RBFOX1: variants seen among roughly 807,000 people sequenced by gnomAD.
RBFOX1 encodes the protein RNA binding protein fox-1 homolog 1.
In RBFOX1, 8 loss-of-function variants were observed where a neutral mutation model predicts 57.7. That is an observed-to-expected ratio of 0.14 (90% confidence interval 0.08 to 0.25). The LOEUF (loss-of-function observed/expected upper bound fraction) is 0.25, where lower values mean the gene tolerates loss of function less well. Among genes scored for constraint, RBFOX1 ranks in the 10% least tolerant of loss-of-function variants. RBFOX1 has a pLI of 1.00. For synonymous variants in RBFOX1, 326 were observed against 222.4 expected (o/e 1.47, Z -4.15); for missense variants, 611 against 548.5 (o/e 1.11, Z -1.14).
rs1269767671 is a variant in RBFOX1 at position 6,527,856 on chromosome 16, C to T, written c.-63-126747C>T. On this transcript the variant is annotated intron_variant, in intron 2 of 15. Coordinates refer to ENST00000550418, the MANE Select transcript of RBFOX1 (RefSeq NM_018723.4). ...CAGAGGCTCTCATAAGGATAAAGGC[C>T]TCCTTATGCACAATTCAAAAGAGTG... 2.6e-5 allele frequency among the ~76,000 whole-genome samples: 4 copies of T among 152,236 alleles called. No individual in the cohort carries two copies. The East Asian group carries it at 5.8e-4, about 22-fold the overall frequency.
chr16:5,454,092 G>A (rs2068509065), intron 1 of RBFOX1, among the ~76,000 whole-genome samples: 1 of 152,252 alleles, frequency 6.6e-6, no homozygotes, highest in South Asian at 2.1e-4. Context: ...GTGCCAGCCT[G>A]TATGAGGAGT....
At chr16:6,573,085 T>C (rs1214266607) in intron 2 of RBFOX1, among the ~76,000 whole-genome samples, 1 of 152,172 alleles carries the variant, frequency 6.6e-6, no homozygotes, top group Non-Finnish European at 1.5e-5. Context: ...CTCGTTGATC[T>C]GCTCCCTCAG....
chr16:7,314,490 G>C (rs2096393245), intron 4 of RBFOX1, among the ~76,000 whole-genome samples: 1 of 152,192 alleles, frequency 6.6e-6, no homozygotes, highest in Non-Finnish European at 1.5e-5. Flanking sequence ...TGTTTAATCA[G>C]ATTCACTTAG....
chr16:6,911,788 G>C (rs779277637), intron 3 of RBFOX1, among the ~76,000 whole-genome samples: 2 of 152,072 alleles, frequency 1.3e-5, no homozygotes, highest in Admixed American at 6.6e-5. Flanking sequence ...ACTTATAGAA[G>C]AGATCTATTT....
chr16:7,070,055 C>T (rs947952038), intron 4 of RBFOX1, among the ~76,000 whole-genome samples: 1 of 152,208 alleles, frequency 6.6e-6, no homozygotes, highest in Non-Finnish European at 1.5e-5. Context: ...TCTTTTTCCT[C>T]TCTTGCACAG....
chr16:6,196,537 G>C (rs2097180998), intron 1 of RBFOX1, among the ~76,000 whole-genome samples: 1 of 152,072 alleles, frequency 6.6e-6, no homozygotes, highest in African/African-American at 2.4e-5. Flanking sequence ...ATGGATGCGT[G>C]GCTGCGACTT....
intron 1 of RBFOX1, among the ~76,000 whole-genome samples, chr16:5,339,651 G>T (rs2064991192): frequency 1.3e-5 from 2 of 151,522 alleles, no homozygotes; most frequent in Admixed American, 1.3e-4. Context: ...GCTGATTTTT[G>T]TATTTTTAGT....
chr16:7,693,073 A>G (rs1176538808), intron 14 of RBFOX1, among the ~76,000 whole-genome samples: 1 of 152,162 alleles, frequency 6.6e-6, no homozygotes, highest in African/African-American at 2.4e-5. Context: ...AACACATAGT[A>G]TTAATATTTG....
chr16:5,702,407 C>T (rs766531395), intron 3 of RBFOX1, among the ~76,000 whole-genome samples: 8 of 152,188 alleles, frequency 5.3e-5, no homozygotes, highest in African/African-American at 1.2e-4. Flanking sequence ...CACCTCCCAC[C>T]GTGTCCCTCC....
intron 4 of RBFOX1, among the ~76,000 whole-genome samples, chr16:7,471,381 C>G (rs1209916394): frequency 6.6e-6 from 1 of 152,036 alleles, no homozygotes; most frequent in Non-Finnish European, 1.5e-5. Flanking sequence ...TGTACATACA[C>G]TTATACATTT....
At chr16:5,657,661 T>C (rs1165388711) in intron 3 of RBFOX1, among the ~76,000 whole-genome samples, 4 of 70,412 alleles carry the variant, frequency 5.7e-5, no homozygotes, top group African/African-American at 9.9e-5. Flanking sequence ...TCTTTTCTTT[T>C]CTTTCTTTCT....
intron 12 of RBFOX1, among the ~76,000 whole-genome samples, chr16:7,656,963 C>G (rs924107122): frequency 1.3e-5 from 2 of 152,180 alleles, no homozygotes; most frequent in African/African-American, 4.8e-5. Context: ...CCTCCACCCA[C>G]ACCCCCAGCA....
chr16:5,822,416 C>G (rs557788083), intron 3 of RBFOX1, among the ~76,000 whole-genome samples: 6 of 151,920 alleles, frequency 3.9e-5, no homozygotes, highest in African/African-American at 1.4e-4. Flanking sequence ...CACCTGTACC[C>G]CAATAGCTTA....
downstream of RBFOX1, among the ~76,000 whole-genome samples, chr16:5,603,128 C>T (rs1339986550): frequency 6.6e-6 from 1 of 152,220 alleles, no homozygotes; most frequent in Admixed American, 6.5e-5. Flanking sequence ...TTCTGACCTC[C>T]ACCTGTCTGC....
chr16:6,670,185 T>A (rs561930003), intron 3 of RBFOX1, among the ~76,000 whole-genome samples: 35 of 151,428 alleles, frequency 2.3e-4, no homozygotes, highest in African/African-American at 8.5e-4. Flanking sequence ...TACATCAGCT[T>A]CCCAAGTAGC....
At chr16:6,889,934 A>G (rs893788220) in intron 3 of RBFOX1, among the ~76,000 whole-genome samples, 7 of 152,334 alleles carry the variant, frequency 4.6e-5, no homozygotes, top group Admixed American at 2.0e-4. Flanking sequence ...TCTCATAGCC[A>G]CGTATTTCAG....
intron 2 of RBFOX1, among the ~76,000 whole-genome samples, chr16:5,485,164 G>C (rs2069682743): frequency 1.3e-5 from 2 of 151,716 alleles, no homozygotes; most frequent in African/African-American, 4.8e-5. Flanking sequence ...GGCTAACATG[G>C]AGAAACCCCG....
intron 3 of RBFOX1, among the ~76,000 whole-genome samples, chr16:6,845,378 AG>A (rs976742420): frequency 1.3e-5 from 2 of 151,912 alleles, no homozygotes; most frequent in African/African-American, 4.8e-5. Context: ...GAAGAGGTCC[AG>A]TTTCAATTTT....
intron 2 of RBFOX1, among the ~76,000 whole-genome samples, chr16:5,477,903 G>T (rs755299560): frequency 2.2e-4 from 34 of 152,162 alleles, no homozygotes; most frequent in Admixed American, 2.2e-3. Context: ...CAGAAAGGGC[G>T]TGATGTGAAA....
Sources: allele counts gnomAD v4.1 joint callset (sites outside exome capture counted in the v4.1 genomes callset), GRCh38; gene constraint gnomAD v4.1.1; transcripts MANE v1.5; gene names NCBI Gene and HGNC (gene_info 2026-07-23, HGNC 2026-07-21).